DOT1L: variants seen among roughly 807,000 people sequenced by gnomAD.
DOT1L encodes DOT1 like histone lysine methyltransferase.
In DOT1L, 33 loss-of-function variants were observed where a neutral mutation model predicts 153.3. That is an observed-to-expected ratio of 0.22 (90% CI 0.16 to 0.29). DOT1L has a LOEUF of 0.29. DOT1L is among the 10% of genes least tolerant of loss of function. The pLI is 1.00. For missense variants in DOT1L, 1,847 were observed against 2,119.9 expected (o/e 0.87, Z 2.53); for synonymous variants, 1,135 against 965.1 (o/e 1.18, Z -3.26).
At chr19:2,209,861 C>T (rs915695636) in intron 12 of DOT1L, among the ~76,000 whole-genome samples, 1 of 152,214 alleles carries the variant, frequency 6.6e-6, no homozygotes, top group Non-Finnish European at 1.5e-5. Context: ...CTGTCCTTCC[C>T]ACCATGCTTA....
intron 19 of DOT1L, 67 bp downstream of exon 19, chr19:2,214,663 G>C: frequency 1.9e-6 from 3 of 1,578,346 alleles, no homozygotes; most frequent in Non-Finnish European, 2.6e-6. Context: ...CTGTGACGTC[G>C]TTGAGCCTAG....
Position 2,222,901 on chromosome 19 carries a change from A to T in DOT1L, c.3390+342A>T. ...GGGGGACAAAAAAAAACACAAAAAA[A>T]AACAGGTGGAGGCAGGGGGCCATGA... is the stretch of plus-strand genomic sequence containing the variant. On this transcript the variant is annotated intron_variant, in intron 24 of 27. Transcript: ENST00000398665. The surrounding 1 kb of genome is among the most constrained non-coding windows in gnomAD (Gnocchi z 6.5). 2 of 391,534 alleles carry T rather than the reference A, an allele frequency of 5.1e-6. No homozygotes were observed. The highest frequency in any genetic ancestry group is 9.1e-6 in the Non-Finnish European group (2 of 219,110). The allele number at this position is 391,534 out of a possible 1,614,324, so 24.3% of individuals were successfully genotyped here.
chr19:2,217,155 G>A lies in DOT1L; in HGVS notation c.2544+65G>A, dbSNP rs1184750914. 2 of 1,493,152 alleles carry A rather than the reference G, an allele frequency of 1.3e-6. No homozygotes were observed. Among genetic ancestry groups the A allele is most frequent in the African/African-American group, 2.8e-5 (2 of 71,832 alleles). 92.5% of individuals were successfully genotyped at this position (1,493,152 alleles called of 1,614,324 possible). On this transcript the variant is annotated intron_variant, in intron 21 of 27. Transcript: ENST00000398665. The surrounding 1 kb of genome is among the most constrained non-coding windows in gnomAD (Gnocchi z 7.3). The stretch of plus-strand genomic sequence containing the variant: ...TCAGCAGAGGCGGCCTGAGCGAGTT[G>A]CTAGCAGGAGGGCTTGTCCTAGTTG...
Position 2,190,595 on chromosome 19 carries a change from A to G in DOT1L, c.265-417A>G, listed in dbSNP as rs961028210. Among the ~76,000 whole-genome samples the G allele has an allele frequency of 6.6e-6, 1 of 152,082 alleles. No homozygotes were observed. The highest frequency in any genetic ancestry group is 1.5e-5 in the Non-Finnish European group (1 of 67,982). Reference sequence around the variant, plus strand: ...TGGGGAGGAAGGCGGGGTCCCACGTAGTCGAGTCAGATGAGGTGTGGTAGG... The same window carrying G: ...TGGGGAGGAAGGCGGGGTCCCACGTGGTCGAGTCAGATGAGGTGTGGTAGG... On this transcript the variant is annotated intron_variant, in intron 4 of 27. Transcript: ENST00000398665. This position sits in a 1 kb window ranked among gnomAD's most constrained non-coding sequence, Gnocchi z 4.8.
chr19:2,222,176 G>T lies in DOT1L; in HGVS notation c.3007G>T (p.Ala1003Ser). Residue 1003 changes from alanine to serine, a missense_variant, in exon 24 of 28, where the codon GCC becomes TCC. Around this residue, in one of 8 missense-constraint regions of DOT1L, gnomAD observed 934 missense variants for 825.3 expected, o/e 1.13. Transcript: ENST00000398665. The surrounding 1 kb of genome is among the most constrained non-coding windows in gnomAD (Gnocchi z 6.5). The part of the protein sequence containing the change: ...QPRNSLPASP[A>S]HQLSSSPRLG... ...CCGGAACTCGCTTCCTGCCTCTCCCGCCCACCAGCTCTCCTCCAGTCCCCG... is the reference window on the plus strand; with the variant it reads ...CCGGAACTCGCTTCCTGCCTCTCCCTCCCACCAGCTCTCCTCCAGTCCCCG... 6.2e-7 allele frequency: 1 copy of T among 1,612,972 alleles called. No homozygotes were observed. The highest frequency in any genetic ancestry group is 8.5e-7 in the Non-Finnish European group (1 of 1,179,828).
intron 27 of DOT1L, 34 bp from the exon 28 acceptor site, chr19:2,229,751 C>T: frequency 6.2e-7 from 1 of 1,612,886 alleles, no homozygotes; most frequent in African/African-American, 1.3e-5. Flanking sequence ...CGATGGTAAC[C>T]TCAGGCCGCT....
In DOT1L at chr19:2,217,669, C is replaced by A; in HGVS notation, c.2545-103C>A. 2.0e-6 allele frequency: 3 copies of A among 1,477,666 alleles called. No individual in the cohort carries two copies. Among genetic ancestry groups the A allele is most frequent in the Middle Eastern group, 1.9e-4 (1 of 5,182 alleles). The allele number at this position is 1,477,666 out of a possible 1,614,324, so 91.5% of individuals were successfully genotyped here. ...TTGCAGGGCCTTGGCAGCGTGGGGG[C>A]CGCCTTGAGAGAGCTGTAGCAGGCC... is the stretch of plus-strand genomic sequence containing the variant. On this transcript the variant is annotated intron_variant, in intron 21 of 27. Coordinates refer to ENST00000398665, the MANE Select transcript of DOT1L (RefSeq NM_032482.3). The surrounding 1 kb of genome is among the most constrained non-coding windows in gnomAD (Gnocchi z 7.3).
intron 1 of DOT1L, among the ~76,000 whole-genome samples, chr19:2,164,708 GCTTTTC>G (rs908656542): frequency 6.6e-6 from 1 of 151,960 alleles, no homozygotes; most frequent in Non-Finnish European, 1.5e-5. Context: ...CGTTTGTCAC[GCTTTTC>G]CTACTCGGGC....
At chr19:2,224,912 C>A (rs2024267815) in intron 25 of DOT1L, among the ~76,000 whole-genome samples, 1 of 152,148 alleles carries the variant, frequency 6.6e-6, no homozygotes, top group South Asian at 2.1e-4. Flanking sequence ...TTTGTGTGTC[C>A]CTGGTGTGTT....
At chr19:2,165,186 G>A (rs1322566837) in intron 1 of DOT1L, among the ~76,000 whole-genome samples, 1 of 152,212 alleles carries the variant, frequency 6.6e-6, no homozygotes, top group African/African-American at 2.4e-5. Context: ...TCGGGGAAAA[G>A]TGAAGCAGGC....
rs531483568 is a variant in DOT1L at position 2,179,684 on chromosome 19, G to C, written c.82-1029G>C. Among the ~76,000 whole-genome samples, 11 of 152,298 alleles carry C rather than the reference G, an allele frequency of 7.2e-5. No homozygotes were observed. The Middle Eastern group carries it at 0.01, about 141-fold the overall frequency. On this transcript the variant is annotated intron_variant, in intron 1 of 27. Coordinates refer to ENST00000398665, the MANE Select transcript of DOT1L (RefSeq NM_032482.3). ...TAGCCAGGCGTGGTGGCTCATGCCA[G>C]TAATCCCAGCTACTCGGGAGGCTGA...
At chr19:2,186,957 C>A (rs1336072235) in intron 3 of DOT1L, among the ~76,000 whole-genome samples, 1 of 152,212 alleles carries the variant, frequency 6.6e-6, no homozygotes, top group African/African-American at 2.4e-5. Flanking sequence ...CCTGCAGGGC[C>A]CTGCACAGAG....
intron 19 of DOT1L, chr19:2,215,453 C>T (rs894144825): frequency 1.5e-4 from 23 of 152,290 alleles, no homozygotes; most frequent in African/African-American, 5.3e-4. Context: ...GGGCTTTGTT[C>T]CCAGAGCCCC....
At position 2,202,748 on chromosome 19, in the gene DOT1L, G is replaced by A; in HGVS notation, c.756G>A (p.Gln252=). Residue 252 remains glutamine (Q), a synonymous_variant, in exon 9 of 28, where the codon CAG becomes CAA. Transcript: ENST00000398665. Reference sequence around the variant, plus strand: ...CCTTTGGTCCTGAGGTGGATCACCAGCTGAAGGAGCGGTTTGCAAACATGA... The same window carrying A: ...CCTTTGGTCCTGAGGTGGATCACCAACTGAAGGAGCGGTTTGCAAACATGA... ...NFAFGPEVDH[Q]LKERFANMKE... 1 of 1,614,240 alleles carries A rather than the reference G, an allele frequency of 6.2e-7. No homozygotes were observed. Among genetic ancestry groups the A allele is most frequent in the South Asian group, 1.1e-5 (1 of 91,092 alleles).
At chr19:2,223,150 C>T (rs977534635) in intron 24 of DOT1L, 131 bp from the exon 25 acceptor site, 74 of 953,432 alleles carry the variant, frequency 7.8e-5, no homozygotes, top group Admixed American at 2.1e-4. Flanking sequence ...CTGTACTGGC[C>T]GCTGGGCAGG....
At chr19:2,229,735 C>G in intron 27 of DOT1L, 50 bp from the exon 28 acceptor site, 2 of 1,612,058 alleles carry the variant, frequency 1.2e-6, no homozygotes, top group Non-Finnish European at 1.7e-6. Context: ...TGGGCTCCCC[C>G]AGGCGCGATG....
chr19:2,227,555 C>CG (rs1317712533), intron 27 of DOT1L: 3 of 633,420 alleles, frequency 4.7e-6, no homozygotes, highest in South Asian at 1.8e-5. Context: ...TGCTGCGGGG[C>CG]GGGGGGCCGG....
intron 27 of DOT1L, chr19:2,228,712 C>G: frequency 1.0e-6 from 1 of 985,436 alleles, no homozygotes; most frequent in African/African-American, 1.7e-5. Flanking sequence ...GGAGCTCTAG[C>G]TCCTAGAGCA....
At chr19:2,228,993 C>T (rs369492749) in intron 27 of DOT1L, 71 of 985,296 alleles carry the variant, frequency 7.2e-5, no homozygotes, top group Middle Eastern at 1.0e-3. Context: ...CTGTGCCCTG[C>T]GTGTTGAGGC....
Sources: allele counts gnomAD v4.1 joint callset (sites outside exome capture counted in the v4.1 genomes callset), GRCh38; gene constraint gnomAD v4.1.1; regional missense constraint gnomAD v4.1.1; non-coding constraint Gnocchi (gnomAD v3.1); transcripts MANE v1.5; gene names NCBI Gene and HGNC (gene_info 2026-07-23, HGNC 2026-07-21).